The following SLC45A1 variants were observed in gnomAD, a reference collection of about 807,000 sequenced individuals.
The protein encoded by SLC45A1 is proton-associated sugar transporter A.
SLC45A1 carries 28 observed loss-of-function variants against 57.6 expected under a neutral mutation model. The ratio of observed to expected loss-of-function variants is 0.49; its 90% CI spans 0.36 to 0.67. The LOEUF is 0.67. SLC45A1 is among the 30% of genes least tolerant of loss of function. The pLI, the probability that SLC45A1 is intolerant of heterozygous loss-of-function variation, is 0.00. For missense variants in SLC45A1, 814 were observed against 1,041.5 expected, an observed-to-expected ratio of 0.78 and a Z score of 3.01; for synonymous variants, 459 against 471.5, an observed-to-expected ratio of 0.97 and a Z score of 0.34.
chr1:8,323,244 G>A lies in SLC45A1; in HGVS notation c.-24-1062G>A, dbSNP rs562120652. On this transcript the variant is annotated intron_variant, in intron 1 of 8. Transcript: ENST00000471889. ...ACGGTGGCTCACGCCTGTAATCCCAGCACTTTGGGAGGCCGAGGTGGGCAG... is the reference window on the plus strand; with the variant it reads ...ACGGTGGCTCACGCCTGTAATCCCAACACTTTGGGAGGCCGAGGTGGGCAG... Among the ~76,000 whole-genome samples the A allele has an allele frequency of 1.1e-4, 16 of 152,236 alleles. No individual in the cohort carries two copies. In the East Asian group the frequency reaches 2.7e-3, roughly 26 times the overall value.
intron 7 of SLC45A1, 75 bp from the exon 8 acceptor site, chr1:8,339,418 G>C: frequency 6.9e-7 from 1 of 1,459,568 alleles, no homozygotes; most frequent in African/African-American, 1.4e-5. Context: ...GTCAGCCGCC[G>C]GGAGGTGGCA....
In SLC45A1 at chr1:8,328,995, T is replaced by TG. The variant is rs1226123916; in HGVS notation, c.716-1210dup. On this transcript the variant is annotated intron_variant, in intron 4 of 8. Transcript: ENST00000471889. This position sits in a 1 kb window ranked among gnomAD's most constrained non-coding sequence, Gnocchi z 4.6. ...AATAATAAAATGCCTGGGAGGGCAG[T>TG]GGGGAGGCAAAAAGACTCCCAAGTC... Among the ~76,000 whole-genome samples, 3 of 152,058 alleles carry TG rather than the reference T, an allele frequency of 2.0e-5. No homozygotes were observed. Among genetic ancestry groups the TG allele is most frequent in the African/African-American group, 7.2e-5 (3 of 41,412 alleles).
At chr1:8,339,770 A>T in intron 8 of SLC45A1, 72 bp downstream of exon 8, 1 of 1,363,018 alleles carries the variant, frequency 7.3e-7, no homozygotes, top group South Asian at 1.2e-5. Flanking sequence ...GTCCCCCAGG[A>T]CCAGCTGCAC....
At chr1:8,320,618 CTAGA>C (rs1435410091) in intron 1 of SLC45A1, among the ~76,000 whole-genome samples, 1 of 151,674 alleles carries the variant, frequency 6.6e-6, no homozygotes, top group Non-Finnish European at 1.5e-5. Context: ...CCAGCCTGGG[CTAGA>C]TAGAGGGAGA....
chr1:8,333,136 C>G (rs924299668), intron 5 of SLC45A1, among the ~76,000 whole-genome samples: 3 of 152,120 alleles, frequency 2.0e-5, no homozygotes, highest in Non-Finnish European at 4.4e-5. Flanking sequence ...GTTCATTCTC[C>G]CGTCAGGGGT....
At chr1:8,318,848 A>G (rs1639904882) in intron 1 of SLC45A1, among the ~76,000 whole-genome samples, 2 of 152,206 alleles carry the variant, frequency 1.3e-5, no homozygotes, top group Non-Finnish European at 2.9e-5. Context: ...GCCCTGGAGT[A>G]GGGGTCAAGC....
In SLC45A1 at chr1:8,318,491, G is replaced by A. The variant is rs190815619; in HGVS notation, c.-25+305G>A. ...CAGCTCCTGATGCGCTCCTTGAGCCGGAGGCCTGGTCCCTAGTCACCTGGG... is the reference window on the plus strand; with the variant it reads ...CAGCTCCTGATGCGCTCCTTGAGCCAGAGGCCTGGTCCCTAGTCACCTGGG... On this transcript the variant is annotated intron_variant, in intron 1 of 8. Coordinates refer to ENST00000471889, the MANE Select transcript of SLC45A1 (RefSeq NM_001080397.3). Among the ~76,000 whole-genome samples, 302 of 152,330 alleles carry A rather than the reference G, an allele frequency of 2.0e-3. 3 individuals are homozygous for A. The highest frequency in any genetic ancestry group is 6.9e-3 in the African/African-American group (286 of 41,598).
At chr1:8,336,109 T>G (rs1269943820) in intron 6 of SLC45A1, 1 of 152,734 alleles carries the variant, frequency 6.5e-6, no homozygotes, top group Non-Finnish European at 1.5e-5. Flanking sequence ...GTTGAACATT[T>G]GAGCATGATT....
chr1:8,332,672 C>T (rs554938061), intron 5 of SLC45A1, among the ~76,000 whole-genome samples: 5 of 151,998 alleles, frequency 3.3e-5, no homozygotes, highest in South Asian at 2.1e-4. Context: ...CCACCACGCC[C>T]GGCTAATTTT....
intron 1 of SLC45A1, among the ~76,000 whole-genome samples, chr1:8,322,595 A>C (rs1640067542): frequency 6.6e-6 from 1 of 152,088 alleles, no homozygotes; most frequent in Non-Finnish European, 1.5e-5. Flanking sequence ...GGAATTTCAG[A>C]GTGATTCATA....
At chr1:8,342,035 T>G (rs568587682) in intron 8 of SLC45A1, among the ~76,000 whole-genome samples, 20 of 151,870 alleles carry the variant, frequency 1.3e-4, no homozygotes, top group Admixed American at 5.2e-4. Context: ...GTGAAGCCCC[T>G]TCTCTACTAA....
At chr1:8,332,815 T>A (rs1237228011) in intron 5 of SLC45A1, among the ~76,000 whole-genome samples, 1 of 152,126 alleles carries the variant, frequency 6.6e-6, no homozygotes, top group Non-Finnish European at 1.5e-5. Context: ...CCGGCCAGAA[T>A]CCATGGTCTT....
In SLC45A1 at chr1:8,326,009, G is replaced by C. The variant is rs777799829; in HGVS notation, c.682G>C (p.Asp228His). 1 of 1,607,266 alleles carries C rather than the reference G, an allele frequency of 6.2e-7. No homozygotes were observed. The highest frequency in any genetic ancestry group is 8.5e-7 in the Non-Finnish European group (1 of 1,179,986). ...GGACGTGTGCAGCCCCGCAGACCAG[G>C]ACCGAGGCCTGAACATCCACGCCCT... ...MMDVCSPADQDRGLNIHALLA... is the reference protein window; with the variant it reads ...MMDVCSPADQHRGLNIHALLA... The change falls in exon 4 of 9, where the codon GAC becomes CAC. Residue 228 changes from aspartate to histidine, a missense_variant. Physicochemically the swap from Asp to His is moderately conservative, Grantham distance 81. Coordinates refer to ENST00000471889, the MANE Select transcript of SLC45A1 (RefSeq NM_001080397.3). This position sits in a 1 kb window ranked among gnomAD's most constrained non-coding sequence, Gnocchi z 5.5.
rs761106369 is a variant in SLC45A1 at position 8,325,800 on chromosome 1, T to C, written c.491-18T>C. ...TGGTCTGCATTTTCTTGGGGTGACT[T>C]TGTTTCTCTGTGTCCAGGGGCACTG... On this transcript the variant is annotated intron_variant, in intron 3 of 8. Transcript: ENST00000471889. The surrounding 1 kb of genome is among the most constrained non-coding windows in gnomAD (Gnocchi z 6.3). 1 of 1,609,082 alleles carries C rather than the reference T, an allele frequency of 6.2e-7. No homozygotes were observed. The highest frequency in any genetic ancestry group is 1.1e-5 in the South Asian group (1 of 91,018).
chr1:8,330,431 C>G lies in SLC45A1; in HGVS notation c.938C>G (p.Ser313Cys), dbSNP rs927593220. The change falls in exon 5 of 9, where the codon TCC becomes TGC. Residue 313 changes from serine to cysteine, a missense_variant. Ser to Cys is a moderately radical substitution (Grantham distance 112, BLOSUM62 -1). Transcript: ENST00000471889. The surrounding 1 kb of genome is among the most constrained non-coding windows in gnomAD (Gnocchi z 8.4). ...MKSPSLPLPP[S>C]PPVLPEEGPG... Reference sequence around the variant, plus strand: ...AGCCCCAGCCTCCCGCTGCCCCCGTCCCCACCCGTCCTGCCAGAGGAAGGC... The same window carrying G: ...AGCCCCAGCCTCCCGCTGCCCCCGTGCCCACCCGTCCTGCCAGAGGAAGGC... The G allele has an allele frequency of 1.2e-6, 2 of 1,611,420 alleles. No individual in the cohort carries two copies. The highest frequency in any genetic ancestry group is 1.7e-6 in the Non-Finnish European group (2 of 1,179,084).
rs1357491200 is a variant in SLC45A1, at chr1:8,338,054, C to T, written c.1774+62C>T. 7.4e-6 allele frequency: 11 copies of T among 1,487,296 alleles called. No individual in the cohort carries two copies. The Admixed American group carries it at 9.6e-5, about 13-fold the overall frequency. 92.1% of individuals were successfully genotyped at this position (1,487,296 alleles called of 1,614,324 possible). On this transcript the variant is annotated intron_variant, in intron 7 of 8. Coordinates refer to ENST00000471889, the MANE Select transcript of SLC45A1 (RefSeq NM_001080397.3). ...GCTTTGGTTGGGTCCATGGAGCATG[C>T]GAAATGAAGGCAGGTTCATGGCCTT...
chr1:8,334,118 G>A lies in SLC45A1; in HGVS notation c.1444-1319G>A, dbSNP rs571330888. ...CAAAGTTCAAACTGGCTTTAGATCC[G>A]GTTGTTTAGGTGTGGTTGAAAATCT... is the stretch of plus-strand genomic sequence containing the variant. On this transcript the variant is annotated intron_variant, in intron 5 of 8. Coordinates refer to ENST00000471889, the MANE Select transcript of SLC45A1 (RefSeq NM_001080397.3). Among the ~76,000 whole-genome samples the A allele has an allele frequency of 3.9e-5, 6 of 152,354 alleles. No homozygotes were observed. The East Asian group carries it at 5.8e-4, about 15-fold the overall frequency.
rs1640231435 is a variant in SLC45A1 at position 8,327,179 on chromosome 1, A to T, written c.715+1137A>T. 6.7e-6 allele frequency among the ~76,000 whole-genome samples: 1 copy of T among 149,072 alleles called. No homozygotes were observed. The highest frequency in any genetic ancestry group is 2.4e-4 in the South Asian group (1 of 4,232). ...TCTGAGTTTTCCTCACTAAATGAGG[A>T]GGTGAATTCACAAATACAGAATCTA... On this transcript the variant is annotated intron_variant, in intron 4 of 8. Transcript: ENST00000471889. The surrounding 1 kb of genome is among the most constrained non-coding windows in gnomAD (Gnocchi z 4.3).
At chr1:8,334,795 T>G (rs1640554092) in intron 5 of SLC45A1, among the ~76,000 whole-genome samples, 3 of 152,174 alleles carry the variant, frequency 2.0e-5, no homozygotes, top group Non-Finnish European at 4.4e-5. Context: ...GAATGAAACC[T>G]TCTCGTTCCA....
Sources: gnomAD v4.1 joint callset for allele counts (sites outside exome capture counted in the v4.1 genomes callset) on GRCh38, gnomAD v4.1.1 for gene constraint, Gnocchi (gnomAD v3.1) non-coding constraint, MANE v1.5 for transcripts, NCBI Gene and HGNC (gene_info 2026-07-23, HGNC 2026-07-21) for gene names.